The following CCSER1 variants were observed in gnomAD, a reference collection of about 807,000 sequenced individuals.
CCSER1 encodes the protein coiled-coil serine rich protein 1.
A neutral mutation model predicts 82.0 loss-of-function variants in CCSER1; 41 were observed. The observed-to-expected ratio is 0.50, with a 90% CI of 0.39 to 0.65. CCSER1 has a LOEUF of 0.65. CCSER1 is among the 30% of genes least tolerant of loss of function. CCSER1 has a pLI of 0.00. For missense variants in CCSER1, 1,119 were observed against 1,064.2 expected (o/e 1.05, Z -0.72); for synonymous variants, 414 against 383.9 (o/e 1.08, Z -0.92).
rs116355147 is a variant in CCSER1, at chr4:91,075,537, C to T, written c.2173-10413C>T. ...ATCTTATATTAATATTAAGAATCAA[C>T]CCATATGCATACATATATATGAATA... is the stretch of plus-strand genomic sequence containing the variant. On this transcript the variant is annotated intron_variant, in intron 9 of 10. Transcript: ENST00000509176. Among the ~76,000 whole-genome samples the T allele has an allele frequency of 7.7e-3, 1,178 of 152,116 alleles. 11 individuals are homozygous for T. The highest frequency in any genetic ancestry group is 0.026 in the African/African-American group (1,091 of 41,506).
chr4:90,199,876 C>T (rs1351551953), intron 1 of CCSER1, among the ~76,000 whole-genome samples: 2 of 152,140 alleles, frequency 1.3e-5, no homozygotes, highest in Non-Finnish European at 2.9e-5. Context: ...ATTTGCTTCT[C>T]ACAGAAAAGC....
chr4:90,249,035 G>T (rs1360883823), intron 1 of CCSER1, among the ~76,000 whole-genome samples: 2 of 151,916 alleles, frequency 1.3e-5, no homozygotes, highest in Non-Finnish European at 2.9e-5. Context: ...TTGAGTCATA[G>T]ACTGCAGTAG....
At chr4:90,648,274 G>GAGAAAGAAAGGAAAGAA (rs1560878982) in intron 6 of CCSER1, among the ~76,000 whole-genome samples, 34 of 100,788 alleles carry the variant, frequency 3.4e-4, no homozygotes, top group African/African-American at 1.2e-3. Flanking sequence ...GAAAGAGAGA[G>GAGAAAGAAAGGAAAGAA]AGAAAGAAAG....
chr4:90,918,713 C>T (rs1201963659), intron 8 of CCSER1, among the ~76,000 whole-genome samples: 1 of 151,214 alleles, frequency 6.6e-6, no homozygotes, highest in Admixed American at 6.6e-5. Flanking sequence ...TTTATATAGA[C>T]AAGATATGTC....
At chr4:90,597,974 T>C (rs1258207822) in intron 5 of CCSER1, among the ~76,000 whole-genome samples, 2 of 149,068 alleles carry the variant, frequency 1.3e-5, no homozygotes. Flanking sequence ...CAGGATCTGA[T>C]TTTTTTTTTA....
chr4:90,687,407 G>GA lies in CCSER1; in HGVS notation c.1933-36498dup, dbSNP rs903674704. ...GGTTTGGTTGCATGGCTATTTACAG[G>GA]AAAAAAAAATAGACACTTGTTCTTT... is the stretch of plus-strand genomic sequence containing the variant. On this transcript the variant is annotated intron_variant, in intron 6 of 10. Transcript: ENST00000509176. Among the ~76,000 whole-genome samples the GA allele has an allele frequency of 3.4e-4, 50 of 149,168 alleles. No individual in the cohort carries two copies. The South Asian group carries it at 9.3e-3, about 28-fold the overall frequency.
At position 90,621,648 on chromosome 4, in the gene CCSER1, T is replaced by G. The variant is rs183986507; in HGVS notation, c.1725-6377T>G. Reference sequence around the variant, plus strand: ...TCTGTCTGTAAATTGTTTTTCTGCTTCTTTGCATGCCTACTTATTGGAATA... The same window carrying G: ...TCTGTCTGTAAATTGTTTTTCTGCTGCTTTGCATGCCTACTTATTGGAATA... On this transcript the variant is annotated intron_variant, in intron 5 of 10. Transcript: ENST00000509176. Among the ~76,000 whole-genome samples, 22 of 152,354 alleles carry G rather than the reference T, an allele frequency of 1.4e-4. No homozygotes were observed. In the East Asian group the frequency reaches 1.9e-3, roughly 13 times the overall value.
intron 1 of CCSER1, among the ~76,000 whole-genome samples, chr4:90,266,752 G>A (rs1348854633): frequency 1.3e-5 from 2 of 151,978 alleles, no homozygotes; most frequent in Non-Finnish European, 2.9e-5. Flanking sequence ...TAGCCAGAGA[G>A]AAATTGCCCA....
intron 8 of CCSER1, among the ~76,000 whole-genome samples, chr4:90,825,867 T>C (rs1044231443): frequency 1.3e-5 from 2 of 151,842 alleles, no homozygotes; most frequent in South Asian, 2.1e-4. Context: ...GTTTTCTGTA[T>C]TTTTAGTAGA....
chr4:91,575,199 C>T (rs1482859290), intron 10 of CCSER1, among the ~76,000 whole-genome samples: 1 of 151,818 alleles, frequency 6.6e-6, no homozygotes, highest in African/African-American at 2.4e-5. Flanking sequence ...ATATCCATAC[C>T]ATATACAAAG....
intron 3 of CCSER1, among the ~76,000 whole-genome samples, chr4:90,323,818 T>A (rs1344782890): frequency 6.6e-6 from 1 of 151,950 alleles, no homozygotes; most frequent in African/African-American, 2.4e-5. Flanking sequence ...ATCCCTCCCC[T>A]CTCTTCCCAC....
chr4:90,578,146 G>GT (rs1476313921), intron 5 of CCSER1, among the ~76,000 whole-genome samples: 1 of 152,132 alleles, frequency 6.6e-6, no homozygotes, highest in African/African-American at 2.4e-5. Context: ...TTTTTAAGAA[G>GT]TAAAAGTATG....
intron 1 of CCSER1, among the ~76,000 whole-genome samples, chr4:90,300,136 A>G (rs1220082707): frequency 6.6e-6 from 1 of 152,184 alleles, no homozygotes; most frequent in African/African-American, 2.4e-5. Context: ...CACTTCAAGT[A>G]TTGATAATTT....
chr4:90,997,675 A>G (rs921566138), intron 9 of CCSER1, among the ~76,000 whole-genome samples: 1 of 152,206 alleles, frequency 6.6e-6, no homozygotes, highest in Non-Finnish European at 1.5e-5. Flanking sequence ...ACAAATGTAT[A>G]TGGAGAATGT....
At chr4:90,550,765 A>C (rs1777369914) in intron 5 of CCSER1, among the ~76,000 whole-genome samples, 1 of 152,034 alleles carries the variant, frequency 6.6e-6, no homozygotes, top group African/African-American at 2.4e-5. Flanking sequence ...TACGACTTTT[A>C]TTTGTCAAGT....
At chr4:91,236,002 G>A (rs966269673) in intron 10 of CCSER1, among the ~76,000 whole-genome samples, 5 of 147,590 alleles carry the variant, frequency 3.4e-5, no homozygotes, top group Non-Finnish European at 7.4e-5. Context: ...TTAAACCAAG[G>A]ATCAAAACAA....
intron 10 of CCSER1, among the ~76,000 whole-genome samples, chr4:91,388,611 G>T (rs1442826916): frequency 1.3e-5 from 2 of 152,088 alleles, no homozygotes; most frequent in Non-Finnish European, 2.9e-5. Flanking sequence ...TAGGTGTGTA[G>T]TGGTATCTGG....
At chr4:91,358,694 T>G (rs1320964384) in intron 10 of CCSER1, among the ~76,000 whole-genome samples, 3 of 152,248 alleles carry the variant, frequency 2.0e-5, no homozygotes, top group South Asian at 4.1e-4. Context: ...CTTACCAAGT[T>G]TCAGATGTCC....
Position 91,063,704 on chromosome 4 carries a change from T to G in CCSER1, c.2173-22246T>G, listed in dbSNP as rs145007551. Among the ~76,000 whole-genome samples, 703 of 152,290 alleles carry G rather than the reference T, an allele frequency of 4.6e-3. 6 individuals are homozygous for G. The highest frequency in any genetic ancestry group is 0.016 in the African/African-American group (651 of 41,582). ...ACACTCCCTGATTCTTCCTTTGGGTTTCTTTAGGCTTAAGCCTAAAATCTA... is the reference window on the plus strand; with the variant it reads ...ACACTCCCTGATTCTTCCTTTGGGTGTCTTTAGGCTTAAGCCTAAAATCTA... On this transcript the variant is annotated intron_variant, in intron 9 of 10. Transcript: ENST00000509176.
Sources: allele counts gnomAD v4.1 joint callset (sites outside exome capture counted in the v4.1 genomes callset), GRCh38; gene constraint gnomAD v4.1.1; transcripts MANE v1.5; gene names NCBI Gene and HGNC (gene_info 2026-07-23, HGNC 2026-07-21).